The following BROX variants were observed in gnomAD, a reference collection of about 807,000 sequenced individuals.
The protein encoded by BROX is BRO1 domain and CAAX motif containing, also known as BRO1 domain-containing protein BROX.
A neutral mutation model predicts 61.0 loss-of-function variants in BROX; 53 were observed. The observed-to-expected ratio is 0.87, with a 90% CI of 0.70 to 1.09. BROX has a LOEUF of 1.09. Ranked by LOEUF, BROX falls within the 50% of genes least tolerant of loss-of-function variation. BROX has a pLI of 0.00. For synonymous variants in BROX, 152 were observed against 160.2 expected, an observed-to-expected ratio of 0.95 and a Z score of 0.38; for missense variants, 489 against 472.0, an observed-to-expected ratio of 1.04 and a Z score of -0.33.
chr1:222,725,198 A>G (rs985712836), intron 6 of BROX, among the ~76,000 whole-genome samples: 2 of 152,232 alleles, frequency 1.3e-5, no homozygotes, highest in Non-Finnish European at 2.9e-5. Context: ...TGACTTGCGT[A>G]TCTCAGCAGT....
At position 222,719,331 on chromosome 1, in the gene BROX, A is replaced by T. The variant is rs1656886069; in HGVS notation, c.277A>T (p.Thr93Ser). The change falls in exon 4 of 13, where the codon ACT becomes TCT. Residue 93 changes from threonine (T) to serine (S), a missense_variant. Coordinates refer to ENST00000340934, the MANE Select transcript of BROX (RefSeq NM_144695.4). ...KLRYIQNFKW[T>S]DTLQGQVPSA... The stretch of plus-strand genomic sequence containing the variant: ...ACGATATATTCAAAATTTCAAGTGG[A>T]CTGATACATTGCAAGGACAGGTTCC... The T allele has an allele frequency of 6.2e-7, 1 of 1,609,902 alleles. No individual in the cohort carries two copies. The highest frequency in any genetic ancestry group is 8.5e-7 in the Non-Finnish European group (1 of 1,176,420).
intron 1 of BROX, 169 bp downstream of exon 1, chr1:222,713,111 T>C: frequency 9.8e-7 from 1 of 1,017,292 alleles, no homozygotes; most frequent in Non-Finnish European, 1.2e-6. Flanking sequence ...AAAATCCATA[T>C]TGGTCACCAC....
rs1656857164 is a variant in BROX at position 222,719,003 on chromosome 1, A to G, written c.180A>G (p.Ala60=). Residue 60 remains alanine, a synonymous_variant, in exon 3 of 13, where the codon GCA becomes GCG. Coordinates refer to ENST00000340934, the MANE Select transcript of BROX (RefSeq NM_144695.4). ...LSCNPEMMKN[A]ADSYFSLLQG... ...GTAATCCAGAAATGATGAAGAATGC[A>G]GCAGATTCATATTTCTCACTTTTAC... 1 of 1,613,586 alleles carries G rather than the reference A, an allele frequency of 6.2e-7. No homozygotes were observed. The highest frequency in any genetic ancestry group is 8.5e-7 in the Non-Finnish European group (1 of 1,179,772).
chr1:222,725,577 T>A (rs1367895894), intron 7 of BROX, 22 bp downstream of exon 7: 2 of 1,541,844 alleles, frequency 1.3e-6, no homozygotes, highest in Non-Finnish European at 1.8e-6. Context: ...ATTGTAAGAT[T>A]TTTTTAAATG....
intron 8 of BROX, among the ~76,000 whole-genome samples, chr1:222,727,830 AAAG>A (rs1205912301): frequency 1.3e-5 from 2 of 152,244 alleles, no homozygotes; most frequent in Non-Finnish European, 2.9e-5. Flanking sequence ...TGGGCATGCT[AAAG>A]AAGGACTCTA....
At position 222,715,854 on chromosome 1, in the gene BROX, T is replaced by C. The variant is rs1430579291; in HGVS notation, c.101+54T>C. On this transcript the variant is annotated intron_variant, in intron 2 of 12. Transcript: ENST00000340934. ...ATGCAAGGTACTTTTTTTGGTTCCA[T>C]GGCAATACAGAAATATGTAACACAC... The C allele has an allele frequency of 2.9e-6, 3 of 1,045,852 alleles. No individual in the cohort carries two copies. In the African/African-American group the frequency reaches 4.9e-5, roughly 17 times the overall value. The allele number at this position is 1,045,852 out of a possible 1,614,324, so 64.8% of individuals were successfully genotyped here. A position where few individuals can be genotyped will look rare whatever the true frequency, so the allele number is the denominator to read the frequency against.
intron 5 of BROX, among the ~76,000 whole-genome samples, 158 bp from the exon 6 acceptor site, chr1:222,723,934 C>A (rs1462161635): frequency 5.9e-5 from 9 of 152,212 alleles, no homozygotes; most frequent in Non-Finnish European, 1.3e-4. Flanking sequence ...GCTAGGATTA[C>A]AGGCCTGGCC....
At position 222,730,158 on chromosome 1, in the gene BROX, CAGAG is replaced by C; in HGVS notation, c.974_977del (p.Arg325LysfsTer26). On this transcript the variant is annotated frameshift_variant, in exon 11 of 13. Transcript: ENST00000340934. LOFTEE classifies it high-confidence loss of function. ...TGTGAAGAACACCCTAGAAAAATGT[CAGAG>C]AGAAAATGGATTTATGTGAGTACAG... 3 of 1,607,184 alleles carry C rather than the reference CAGAG, an allele frequency of 1.9e-6. No homozygotes were observed. The highest frequency in any genetic ancestry group is 1.7e-6 in the Non-Finnish European group (2 of 1,176,018).
Position 222,733,050 on chromosome 1 carries a change from CT to C in BROX, c.*342del, listed in dbSNP as rs1304717766. ...ATCATGTGGTTTCAGGTATGTTTTT[CT>C]TTTTTCTTTTTCTTTTTTTTTTTTC... is the stretch of plus-strand genomic sequence containing the variant. On this transcript the variant is annotated 3_prime_UTR_variant, in exon 13 of 13. Coordinates refer to ENST00000340934, the MANE Select transcript of BROX (RefSeq NM_144695.4). 2.3e-5 allele frequency: 2 copies of C among 88,080 alleles called. No individual in the cohort carries two copies. The highest frequency in any genetic ancestry group is 1.1e-4 in the Admixed American group (1 of 8,906). The allele number at this position is 88,080 out of a possible 1,614,324, so 5.5% of individuals were successfully genotyped here.
rs1658050162 is a variant in BROX at position 222,732,974 on chromosome 1, C to G, written c.*260C>G. 8.7e-6 allele frequency: 3 copies of G among 344,220 alleles called. No individual in the cohort carries two copies. Among genetic ancestry groups the G allele is most frequent in the African/African-American group, 6.8e-5 (3 of 44,320 alleles). The allele number at this position is 344,220 out of a possible 1,614,324, so 21.3% of individuals were successfully genotyped here. On this transcript the variant is annotated 3_prime_UTR_variant, in exon 13 of 13. Transcript: ENST00000340934. ...TAAAGGGTATATTTGGGGGTTGGGT[C>G]TTTTTGTTAAACTCTGGATAGTAAT...
rs1558221081 is a variant in BROX at position 222,712,822 on chromosome 1, T to C, written c.-137T>C. 7.8e-7 allele frequency: 1 copy of C among 1,288,372 alleles called. No individual in the cohort carries two copies. 79.8% of individuals were successfully genotyped at this position (1,288,372 alleles called of 1,614,324 possible). On this transcript the variant is annotated 5_prime_UTR_variant, in exon 1 of 13. Transcript: ENST00000340934. The stretch of plus-strand genomic sequence containing the variant: ...TGACTCCGGCTTGGCGCCGTCCTGG[T>C]TTTCCGTCACCCTGGTTCTGTAGTC...
chr1:222,727,073 G>C, intron 7 of BROX, 95 bp from the exon 8 acceptor site: 1 of 872,780 alleles, frequency 1.1e-6, no homozygotes, highest in African/African-American at 1.7e-5. Context: ...TAAAATCCCA[G>C]AGAGATTATC....
In BROX at chr1:222,729,953, A is replaced by C; in HGVS notation, c.839-74A>C. 6 of 1,403,298 alleles carry C rather than the reference A, an allele frequency of 4.3e-6. No homozygotes were observed. The South Asian group carries it at 8.3e-5, about 19-fold the overall frequency. 86.9% of individuals were successfully genotyped at this position (1,403,298 alleles called of 1,614,324 possible). A position where few individuals can be genotyped will look rare whatever the true frequency, so the allele number is the denominator to read the frequency against. Reference sequence around the variant, plus strand: ...GAGCAGTAAATGTCTTATCACCTCCAGTTTAAAGCCTTGTAGGGATAAATA... The same window carrying C: ...GAGCAGTAAATGTCTTATCACCTCCCGTTTAAAGCCTTGTAGGGATAAATA... On this transcript the variant is annotated intron_variant, in intron 10 of 12. Transcript: ENST00000340934.
intron 12 of BROX, 151 bp downstream of exon 12, chr1:222,731,667 A>G (rs1289794352): frequency 1.3e-6 from 1 of 788,440 alleles, no homozygotes; most frequent in East Asian, 3.2e-5. Flanking sequence ...AATCTGTGGT[A>G]GAACATTCTC....
At chr1:222,720,860 A>C (rs544216998) in intron 4 of BROX, among the ~76,000 whole-genome samples, 14 of 152,254 alleles carry the variant, frequency 9.2e-5, no homozygotes, top group African/African-American at 3.1e-4. Context: ...ACCTTTTTTC[A>C]GCAGTTTTAT....
Sources: allele counts gnomAD v4.1 joint callset (sites outside exome capture counted in the v4.1 genomes callset), GRCh38; gene constraint gnomAD v4.1.1; transcripts MANE v1.5; gene names NCBI Gene and HGNC (gene_info 2026-07-23, HGNC 2026-07-21).